MSRA: variants seen among roughly 807,000 people sequenced by gnomAD.
MSRA encodes the protein mitochondrial peptide methionine sulfoxide reductase.
In MSRA, 54 loss-of-function variants were observed where a neutral mutation model predicts 31.3. That is an observed-to-expected ratio of 1.73 (90% CI 1.39 to 2.17). The LOEUF (loss-of-function observed/expected upper bound fraction) is 2.17, where lower values mean the gene tolerates loss of function less well. Among genes scored for constraint, MSRA ranks in the 30% most tolerant of loss-of-function variants. MSRA has a pLI of 0.00. For missense variants in MSRA, 507 were observed against 300.9 expected, an observed-to-expected ratio of 1.69 and a Z score of -5.07; for synonymous variants, 169 against 116.5, an observed-to-expected ratio of 1.45 and a Z score of -2.90.
At chr8:10,344,415 A>G (rs186972704) in intron 5 of MSRA, among the ~76,000 whole-genome samples, 322 of 151,906 alleles carry the variant, frequency 2.1e-3, no homozygotes, top group Non-Finnish European at 3.5e-3. Flanking sequence ...CTCTACTAAA[A>G]ATACAAAAAT....
chr8:10,187,036 G>A (rs1171187714), intron 1 of MSRA, among the ~76,000 whole-genome samples: 1 of 152,116 alleles, frequency 6.6e-6, no homozygotes, highest in Non-Finnish European at 1.5e-5. Context: ...TCTTTCAATT[G>A]GGACTTACTT....
chr8:10,391,376 C>T lies in MSRA; in HGVS notation c.544-36772C>T, dbSNP rs566271255. Among the ~76,000 whole-genome samples, 87 of 152,322 alleles carry T rather than the reference C, an allele frequency of 5.7e-4. No homozygotes were observed. In the Middle Eastern group the frequency reaches 0.02, roughly 36 times the overall value. On this transcript the variant is annotated intron_variant, in intron 5 of 5. Coordinates refer to ENST00000317173, the MANE Select transcript of MSRA (RefSeq NM_012331.5). ...AAATGGGCACAAGTCTTCAGATTGG[C>T]CCTGGATAGGGGAGGCACTGTGATG...
At chr8:10,321,230 A>G (rs1802026609) in intron 5 of MSRA, among the ~76,000 whole-genome samples, 1 of 152,054 alleles carries the variant, frequency 6.6e-6, no homozygotes, top group South Asian at 2.1e-4. Context: ...TTATCATTAT[A>G]TTTTCTGATG....
chr8:10,161,085 A>G (rs933289734), intron 1 of MSRA, among the ~76,000 whole-genome samples: 3 of 152,224 alleles, frequency 2.0e-5, no homozygotes, highest in South Asian at 2.1e-4. Flanking sequence ...TGAACACACA[A>G]TATTATCAAG....
chr8:10,255,867 A>G (rs193252716), intron 3 of MSRA, among the ~76,000 whole-genome samples: 1 of 152,094 alleles, frequency 6.6e-6, no homozygotes, highest in Admixed American at 6.5e-5. Flanking sequence ...GAGCAGTTTT[A>G]GGTTCACAGC....
At chr8:10,219,980 G>T (rs1585199870) in intron 2 of MSRA, among the ~76,000 whole-genome samples, 1 of 151,816 alleles carries the variant, frequency 6.6e-6, no homozygotes, top group East Asian at 1.9e-4. Flanking sequence ...AGCCTAAGAA[G>T]TGGGATTCAG....
At chr8:10,251,866 G>T (rs989554988) in intron 3 of MSRA, among the ~76,000 whole-genome samples, 2 of 150,972 alleles carry the variant, frequency 1.3e-5, no homozygotes, top group Admixed American at 6.6e-5. Context: ...CATGGTGGGG[G>T]GGGGGGGACA....
chr8:10,151,521 G>C (rs1022045623), intron 1 of MSRA, among the ~76,000 whole-genome samples: 3 of 152,066 alleles, frequency 2.0e-5, no homozygotes, highest in African/African-American at 7.2e-5. Flanking sequence ...GTGTTGGCAG[G>C]TGCCTGTAGT....
chr8:10,361,468 A>G (rs1186649347), intron 5 of MSRA, among the ~76,000 whole-genome samples: 1 of 152,166 alleles, frequency 6.6e-6, no homozygotes, highest in Non-Finnish European at 1.5e-5. Context: ...ATTTTGAAAT[A>G]GGTAACTTCC....
At chr8:10,191,212 C>T (rs2129053449) in intron 1 of MSRA, among the ~76,000 whole-genome samples, 1 of 152,066 alleles carries the variant, frequency 6.6e-6, no homozygotes, top group East Asian at 1.9e-4. Flanking sequence ...TTACTATAGA[C>T]ATCATTATGA....
Position 10,428,523 on chromosome 8 carries a change from G to T in MSRA, c.*211G>T. The T allele has an allele frequency of 1.8e-6, 1 of 552,132 alleles. No homozygotes were observed. The highest frequency in any genetic ancestry group is 3.2e-6 in the Non-Finnish European group (1 of 315,266). 34.2% of individuals were successfully genotyped at this position (552,132 alleles called of 1,614,324 possible). A position where few individuals can be genotyped will look rare whatever the true frequency, so the allele number is the denominator to read the frequency against. The stretch of plus-strand genomic sequence containing the variant: ...CTCCTAATAAGTTATGGTGGGAGTG[G>T]AGCTGTGCAGTTTCCTGTGTCTTCT... On this transcript the variant is annotated 3_prime_UTR_variant, in exon 6 of 6. Coordinates refer to ENST00000317173, the MANE Select transcript of MSRA (RefSeq NM_012331.5).
At chr8:10,103,467 A>C (rs1426702201) in intron 1 of MSRA, among the ~76,000 whole-genome samples, 2 of 152,212 alleles carry the variant, frequency 1.3e-5, no homozygotes, top group Admixed American at 6.5e-5. Flanking sequence ...AAAATCTCCA[A>C]AACTCTAAAG....
intron 1 of MSRA, among the ~76,000 whole-genome samples, chr8:10,094,975 G>T (rs1799050184): frequency 6.6e-6 from 1 of 152,096 alleles, no homozygotes; most frequent in Admixed American, 6.6e-5. Flanking sequence ...ATTTTGAATA[G>T]GTACAGTTTG....
chr8:10,163,034 G>C (rs776640764), intron 1 of MSRA, among the ~76,000 whole-genome samples: 1 of 152,002 alleles, frequency 6.6e-6, no homozygotes. Flanking sequence ...ACGAGAGTGC[G>C]ACCCTCATGA....
chr8:10,067,845 A>G (rs547418971), intron 1 of MSRA, among the ~76,000 whole-genome samples: 4 of 126,462 alleles, frequency 3.2e-5, no homozygotes, highest in Admixed American at 3.1e-4. Context: ...TCTTTTGCCC[A>G]TATTTCAGTT....
chr8:10,428,162 C>A lies in MSRA; in HGVS notation c.558C>A (p.His186Gln). The change falls in exon 6 of 6, where the codon CAC becomes CAA. Residue 186 changes from histidine (H) to glutamine (Q), a missense_variant. Transcript: ENST00000317173. ...KENYQKVLSEHGFGPITTDIR... is the reference protein window; with the variant it reads ...KENYQKVLSEQGFGPITTDIR... The stretch of plus-strand genomic sequence containing the variant: ...TGTCCCCACAGGTTCTTTCAGAGCA[C>A]GGCTTCGGCCCCATCACTACCGACA... The A allele has an allele frequency of 6.2e-7, 1 of 1,612,644 alleles. No individual in the cohort carries two copies. Among genetic ancestry groups the A allele is most frequent in the Non-Finnish European group, 8.5e-7 (1 of 1,179,656 alleles).
At chr8:10,126,617 A>G (rs1031595535) in intron 1 of MSRA, among the ~76,000 whole-genome samples, 1 of 152,116 alleles carries the variant, frequency 6.6e-6, no homozygotes, top group African/African-American at 2.4e-5. Flanking sequence ...GGTTCAAGCA[A>G]TTCTCGTGCC....
In MSRA at chr8:10,112,281, TGATA is replaced by T. The variant is rs1800346513; in HGVS notation, c.142+57628_142+57631del. The stretch of plus-strand genomic sequence containing the variant: ...TCATTAGAAAAGAGACTGACCATCT[TGATA>T]GATATGCAAAAGCCATTTGGTTTGA... On this transcript the variant is annotated intron_variant, in intron 1 of 5. Coordinates refer to ENST00000317173, the MANE Select transcript of MSRA (RefSeq NM_012331.5). 2.6e-5 allele frequency among the ~76,000 whole-genome samples: 4 copies of T among 152,312 alleles called. No homozygotes were observed. The South Asian group carries it at 8.3e-4, about 32-fold the overall frequency.
chr8:10,234,002 A>G (rs2129074625), intron 2 of MSRA, among the ~76,000 whole-genome samples: 1 of 152,336 alleles, frequency 6.6e-6, no homozygotes, highest in South Asian at 2.1e-4. Context: ...AATGATCGTG[A>G]GAAGACAATG....
Sources: gnomAD v4.1 joint callset for allele counts (sites outside exome capture counted in the v4.1 genomes callset) on GRCh38, gnomAD v4.1.1 for gene constraint, MANE v1.5 for transcripts, NCBI Gene and HGNC (gene_info 2026-07-23, HGNC 2026-07-21) for gene names.